Variants in ELOC observed in about 807,000 individuals in gnomAD.
The protein encoded by ELOC is elongin C, also known as elongin-C.
For synonymous variants in ELOC, 40 were observed against 51.3 expected, an observed-to-expected ratio of 0.78 and a Z score of 0.94; for missense variants, 38 against 139.0, an observed-to-expected ratio of 0.27 and a Z score of 3.65.
intron 1 of ELOC, 146 bp from the exon 2 acceptor site, chr8:73,959,964 T>A (rs1490832522): frequency 7.2e-6 from 3 of 417,862 alleles, no homozygotes; most frequent in Non-Finnish European, 1.3e-5. Flanking sequence ...ACAAAAACAC[T>A]GTACTTTTAT....
intron 1 of ELOC, among the ~76,000 whole-genome samples, chr8:73,962,930 A>G (rs1316816415): frequency 6.6e-6 from 1 of 152,224 alleles, no homozygotes; most frequent in Non-Finnish European, 1.5e-5. Flanking sequence ...GACCCAATCC[A>G]TAAGTTATCT....
At chr8:73,962,342 C>T (rs1028778172) in intron 1 of ELOC, among the ~76,000 whole-genome samples, 11 of 152,154 alleles carry the variant, frequency 7.2e-5, no homozygotes, top group Admixed American at 5.2e-4. Context: ...GACTTCACAG[C>T]CCACATTCCA....
At chr8:73,961,948 T>G (rs2131152753) in intron 1 of ELOC, among the ~76,000 whole-genome samples, 1 of 152,282 alleles carries the variant, frequency 6.6e-6, no homozygotes, top group Non-Finnish European at 1.5e-5. Context: ...CAGGCTGGAG[T>G]GCAGTGGCGT....
At chr8:73,966,043 G>A (rs1814947627) in intron 1 of ELOC, among the ~76,000 whole-genome samples, 1 of 152,182 alleles carries the variant, frequency 6.6e-6, no homozygotes, top group Admixed American at 6.5e-5. Context: ...TATGACCTCA[G>A]TCAGACAGCT....
intron 1 of ELOC, among the ~76,000 whole-genome samples, chr8:73,970,799 T>C (rs1563691154): frequency 6.7e-6 from 1 of 148,224 alleles, no homozygotes; most frequent in Non-Finnish European, 1.5e-5. Flanking sequence ...GGCGGGCGGA[T>C]CACCTGAGGT....
intron 3 of ELOC, 94 bp downstream of exon 3, chr8:73,955,817 T>C: frequency 7.5e-7 from 1 of 1,333,184 alleles, no homozygotes; most frequent in Admixed American, 2.1e-5. Context: ...GAAGACTTAT[T>C]TTCTCTTTAA....
At chr8:73,966,460 A>C (rs1424906348) in intron 1 of ELOC, among the ~76,000 whole-genome samples, 1 of 150,550 alleles carries the variant, frequency 6.6e-6, no homozygotes, top group Non-Finnish European at 1.5e-5. Context: ...TAAGGAACAC[A>C]TACTGAGATA....
intron 1 of ELOC, among the ~76,000 whole-genome samples, chr8:73,967,283 C>T (rs374676776): frequency 2.6e-5 from 4 of 152,022 alleles, no homozygotes; most frequent in Admixed American, 1.3e-4. Context: ...GGTTGACACA[C>T]TAAAGGGCCA....
intron 1 of ELOC, among the ~76,000 whole-genome samples, chr8:73,962,260 G>C (rs372491621): frequency 2.0e-5 from 3 of 152,310 alleles, no homozygotes; most frequent in African/African-American, 7.2e-5. Context: ...AGAAACACTG[G>C]AAGAGTCTGC....
At position 73,959,837 on chromosome 8, in the gene ELOC, C is replaced by T; in HGVS notation, c.-50-19G>A. 7.6e-7 allele frequency: 1 copy of T among 1,311,010 alleles called. No individual in the cohort carries two copies. The highest frequency in any genetic ancestry group is 1.0e-6 in the Non-Finnish European group (1 of 960,316). The allele number at this position is 1,311,010 out of a possible 1,614,324, so 81.2% of individuals were successfully genotyped here. A position where few individuals can be genotyped will look rare whatever the true frequency, so the allele number is the denominator to read the frequency against. ...TAGTTTCCTGAAAATATAACAATATCATATTAAGATTAATGTTGCAAGAGA... is the reference window on the plus strand; with the variant it reads ...TAGTTTCCTGAAAATATAACAATATTATATTAAGATTAATGTTGCAAGAGA... On this transcript the variant is annotated intron_variant, in intron 1 of 3. Transcript: ENST00000520242.
At chr8:73,963,611 C>CA (rs749891961) in intron 1 of ELOC, among the ~76,000 whole-genome samples, 2 of 152,174 alleles carry the variant, frequency 1.3e-5, no homozygotes, top group Non-Finnish European at 2.9e-5. Flanking sequence ...GACACTGCTG[C>CA]AAAATCTGTT....
intron 2 of ELOC, among the ~76,000 whole-genome samples, chr8:73,956,686 T>C (rs1814211243): frequency 6.6e-6 from 1 of 152,230 alleles, no homozygotes; most frequent in African/African-American, 2.4e-5. Context: ...AGTATGACTT[T>C]AATTCTATCA....
chr8:73,953,864 A>G (rs1344837505), intron 3 of ELOC, among the ~76,000 whole-genome samples: 1 of 152,216 alleles, frequency 6.6e-6, no homozygotes, highest in Non-Finnish European at 1.5e-5. Context: ...AACTCAAAGC[A>G]GGTATTCAAA....
chr8:73,971,493 A>G (rs1046596303), intron 1 of ELOC, among the ~76,000 whole-genome samples: 6 of 152,132 alleles, frequency 3.9e-5, no homozygotes, highest in African/African-American at 1.4e-4. Flanking sequence ...CCACAGTTAT[A>G]TGTTACTTAA....
chr8:73,960,506 T>C (rs1347404526), intron 1 of ELOC, among the ~76,000 whole-genome samples: 1 of 152,202 alleles, frequency 6.6e-6, no homozygotes, highest in African/African-American at 2.4e-5. Context: ...GATATCAACA[T>C]GACCTCCAGT....
At chr8:73,969,565 G>A (rs909944723) in intron 1 of ELOC, 2 of 152,104 alleles carry the variant, frequency 1.3e-5, no homozygotes, top group Non-Finnish European at 1.5e-5. Context: ...CTTACCTCAA[G>A]GTCTTTGCAT....
At chr8:73,957,356 T>C (rs1814263544) in intron 2 of ELOC, among the ~76,000 whole-genome samples, 1 of 152,170 alleles carries the variant, frequency 6.6e-6, no homozygotes. Context: ...AGTAGCCAGA[T>C]ATATATAGAG....
intron 1 of ELOC, among the ~76,000 whole-genome samples, chr8:73,970,335 TAGA>T (rs1284629837): frequency 2.0e-5 from 3 of 152,212 alleles, no homozygotes; most frequent in Non-Finnish European, 4.4e-5. Context: ...ATAAACATTT[TAGA>T]AGATTTAAAC....
intron 1 of ELOC, among the ~76,000 whole-genome samples, chr8:73,970,864 C>CA (rs1170234343): frequency 0.012 from 1,291 of 112,188 alleles, 25 homozygotes; most frequent in African/African-American, 0.041. Context: ...AAAAACAAAA[C>CA]AAAACAAAAA....
Sources: allele counts gnomAD v4.1 joint callset (sites outside exome capture counted in the v4.1 genomes callset), GRCh38; gene constraint gnomAD v4.1.1; transcripts MANE v1.5; gene names NCBI Gene and HGNC (gene_info 2026-07-23, HGNC 2026-07-21).